The following PEBP4 variants were observed in gnomAD, a reference collection of about 807,000 sequenced individuals.
PEBP4 encodes the protein phosphatidylethanolamine binding protein 4.
PEBP4 carries 22 observed loss-of-function variants against 23.9 expected under a neutral mutation model. The observed-to-expected ratio is 0.92, with a 90% CI of 0.66 to 1.31. PEBP4 has a LOEUF of 1.31. Among genes scored for constraint, PEBP4 ranks in the 40% most tolerant of loss-of-function variants. The probability of loss-of-function intolerance (pLI) is 0.00; values close to 1 mark genes in which losing one functional copy is unlikely to be tolerated. For synonymous variants in PEBP4, 112 were observed against 99.3 expected (o/e 1.13, Z -0.76); for missense variants, 324 against 281.7 (o/e 1.15, Z -1.07).
chr8:22,859,548 T>C (rs957845513), intron 3 of PEBP4, among the ~76,000 whole-genome samples: 1 of 152,138 alleles, frequency 6.6e-6, no homozygotes, highest in Non-Finnish European at 1.5e-5. Flanking sequence ...GGGATAGAAC[T>C]GAGATAGCAG....
intron 3 of PEBP4, among the ~76,000 whole-genome samples, chr8:22,889,056 GATC>G (rs1156768954): frequency 6.6e-6 from 1 of 152,178 alleles, no homozygotes; most frequent in Non-Finnish European, 1.5e-5. Context: ...TTCTCAAGTG[GATC>G]ATAAGCTCTC....
rs541735819 is a variant in PEBP4, at chr8:22,726,606, G to A, written c.403+569C>T. On this transcript the variant is annotated intron_variant, in intron 5 of 6. Transcript: ENST00000256404. Reference sequence around the variant, plus strand: ...ACTTCTCCGGGCCAGGCCCTGGGCTGTAGGCCTTCACTTATGACATCTCCT... The same window carrying A: ...ACTTCTCCGGGCCAGGCCCTGGGCTATAGGCCTTCACTTATGACATCTCCT... 3.7e-3 allele frequency among the ~76,000 whole-genome samples: 562 copies of A among 152,360 alleles called. 2 individuals are homozygous for A. Among genetic ancestry groups the A allele is most frequent in the African/African-American group, 0.013 (525 of 41,590 alleles).
intron 6 of PEBP4, among the ~76,000 whole-genome samples, chr8:22,717,314 G>T (rs1804435635): frequency 6.6e-6 from 1 of 152,212 alleles, no homozygotes. Context: ...TGGGATTACG[G>T]GTGTGAGTCA....
chr8:22,915,812 A>G (rs1293782492), intron 3 of PEBP4, among the ~76,000 whole-genome samples: 1 of 152,172 alleles, frequency 6.6e-6, no homozygotes, highest in East Asian at 1.9e-4. Flanking sequence ...TTCCTCGGCT[A>G]ATCATTTTGT....
intron 3 of PEBP4, among the ~76,000 whole-genome samples, chr8:22,882,259 C>T (rs1376261883): frequency 6.6e-6 from 1 of 152,228 alleles, no homozygotes; most frequent in Non-Finnish European, 1.5e-5. Context: ...CTGTTATTGG[C>T]AGAACTGGAG....
chr8:22,752,934 C>T (rs928836603), intron 4 of PEBP4, among the ~76,000 whole-genome samples: 5 of 152,182 alleles, frequency 3.3e-5, no homozygotes, highest in African/African-American at 9.7e-5. Context: ...CCTTCACCAC[C>T]CCATCCCTTC....
chr8:22,932,684 A>G (rs1022443289), upstream of PEBP4, among the ~76,000 whole-genome samples: 3 of 123,352 alleles, frequency 2.4e-5, no homozygotes, highest in African/African-American at 8.1e-5. Context: ...CCCTGTCTCA[A>G]AAAATTTTTA....
intron 3 of PEBP4, among the ~76,000 whole-genome samples, chr8:22,840,407 ATTT>A (rs112350964): frequency 7.1e-6 from 1 of 141,554 alleles, no homozygotes; most frequent in African/African-American, 2.6e-5. Flanking sequence ...TCTTCTTTTA[ATTT>A]TTTTTTTTTT....
intron 4 of PEBP4, among the ~76,000 whole-genome samples, chr8:22,792,878 T>C (rs530306351): frequency 5.7e-4 from 87 of 152,150 alleles, no homozygotes; most frequent in Non-Finnish European, 1.1e-3. Flanking sequence ...GAAGCTCAAA[T>C]GCTCCCGAAA....
At position 22,724,935 on chromosome 8, in the gene PEBP4, G is replaced by A. The variant is rs781329317; in HGVS notation, c.425C>T (p.Pro142Leu). 42 of 1,613,854 alleles carry A rather than the reference G, an allele frequency of 2.6e-5. 1 individual carries two copies. Among genetic ancestry groups the A allele is most frequent in the South Asian group, 1.3e-4 (12 of 91,080 alleles). Residue 142 changes from proline to leucine, a missense_variant, in exon 6 of 7, where the codon CCG (proline) becomes CTG (leucine). Pro to Leu is a moderately conservative substitution (Grantham distance 98). Coordinates refer to ENST00000256404, the MANE Select transcript of PEBP4 (RefSeq NM_144962.3). ...ELSAYQAPSP[P>L]AHSGFHRYQF... ...GTAGCGATGGAAGCCACTGTGTGCC[G>A]GTGGGGAGGGAGCCTGGTAGGCTAT...
At chr8:22,730,408 G>T (rs1283007658) in intron 4 of PEBP4, among the ~76,000 whole-genome samples, 3 of 152,232 alleles carry the variant, frequency 2.0e-5, no homozygotes, top group Non-Finnish European at 2.9e-5. Flanking sequence ...GGGCATGATG[G>T]CCCATGCCTG....
intron 3 of PEBP4, among the ~76,000 whole-genome samples, chr8:22,843,246 AGCCACTGCGCCTGGCCAG>A (rs748447043): frequency 1.3e-5 from 2 of 152,190 alleles, no homozygotes; most frequent in Non-Finnish European, 2.9e-5. Flanking sequence ...TACAGGTGTA[AGCCACTGCGCCTGGCCAG>A]GCCCTGCAAT....
At chr8:22,925,050 T>C (rs1809294966) in intron 2 of PEBP4, 1 of 985,360 alleles carries the variant, frequency 1.0e-6, no homozygotes, top group Non-Finnish European at 1.2e-6. Flanking sequence ...AGTGGGGATC[T>C]TGAGGAGGGG....
intron 3 of PEBP4, among the ~76,000 whole-genome samples, chr8:22,858,699 C>A (rs1445524715): frequency 6.6e-6 from 1 of 152,204 alleles, no homozygotes; most frequent in African/African-American, 2.4e-5. Context: ...GTAATCCCAG[C>A]ACTTTGGGAG....
In PEBP4 at chr8:22,927,824, T is replaced by A; in HGVS notation, c.-8A>T. 7.0e-7 allele frequency: 1 copy of A among 1,432,756 alleles called. No individual in the cohort carries two copies. The highest frequency in any genetic ancestry group is 9.5e-7 in the Non-Finnish European group (1 of 1,051,320). 88.8% of individuals were successfully genotyped at this position (1,432,756 alleles called of 1,614,324 possible). ...GGGCCCACTTGGCAGGATAGAGACC[T>A]CTGGTTAAGCACAGGGAGAAGGACA... On this transcript the variant is annotated splice_region_variant and 5_prime_UTR_variant, in exon 1 of 7. Coordinates refer to ENST00000256404, the MANE Select transcript of PEBP4 (RefSeq NM_144962.3).
chr8:22,905,730 C>T (rs992943181), intron 3 of PEBP4, among the ~76,000 whole-genome samples: 19 of 152,216 alleles, frequency 1.2e-4, no homozygotes, highest in Non-Finnish European at 2.2e-4. Context: ...CTGCCTGCTG[C>T]TCCCACCTCA....
At chr8:22,930,488 G>T (rs1003455067), upstream of PEBP4, among the ~76,000 whole-genome samples, 1 of 152,006 alleles carries the variant, frequency 6.6e-6, no homozygotes, top group Admixed American at 6.6e-5. Flanking sequence ...AGCATTCTGA[G>T]CATCTTACAT....
intron 3 of PEBP4, among the ~76,000 whole-genome samples, chr8:22,902,049 T>C (rs1037542794): frequency 1.3e-5 from 2 of 152,254 alleles, no homozygotes; most frequent in Non-Finnish European, 2.9e-5. Flanking sequence ...CCGGGCGCAG[T>C]GGCTCATGCC....
intron 4 of PEBP4, among the ~76,000 whole-genome samples, chr8:22,749,802 A>ATTTTT (rs754912133): frequency 4.8e-5 from 2 of 41,584 alleles, no homozygotes; most frequent in African/African-American, 1.1e-4. Flanking sequence ...TCAGTTTGTC[A>ATTTTT]TTCTTTTTTT....
Sources: gnomAD v4.1 joint callset for allele counts (sites outside exome capture counted in the v4.1 genomes callset) on GRCh38, gnomAD v4.1.1 for gene constraint, MANE v1.5 for transcripts, NCBI Gene and HGNC (gene_info 2026-07-23, HGNC 2026-07-21) for gene names.